VWC2: variants seen among roughly 807,000 people sequenced by gnomAD.
VWC2 encodes von Willebrand factor C domain containing 2.
VWC2 carries 14 observed loss-of-function variants against 29.8 expected under a neutral mutation model. That is an observed-to-expected ratio of 0.47 (90% CI 0.31 to 0.74). The LOEUF is 0.74. Among genes scored for constraint, VWC2 ranks in the 30% least tolerant of loss-of-function variants. VWC2 has a pLI of 0.05. For synonymous variants in VWC2, 213 were observed against 199.0 expected, an observed-to-expected ratio of 1.07 and a Z score of -0.59; for missense variants, 457 against 459.8, an observed-to-expected ratio of 0.99 and a Z score of 0.05.
intron 3 of VWC2, among the ~76,000 whole-genome samples, chr7:49,878,484 C>T (rs1791536231): frequency 6.6e-6 from 1 of 152,080 alleles, no homozygotes; most frequent in Non-Finnish European, 1.5e-5. Flanking sequence ...TGCTCAATAC[C>T]TACCTCTGCT....
At chr7:49,885,285 A>T (rs1791849120) in intron 3 of VWC2, among the ~76,000 whole-genome samples, 1 of 152,168 alleles carries the variant, frequency 6.6e-6, no homozygotes, top group Admixed American at 6.5e-5. Context: ...ACATAAAATG[A>T]GAGGTAATTT....
intron 3 of VWC2, among the ~76,000 whole-genome samples, chr7:49,881,257 T>C (rs1344968605): frequency 1.3e-5 from 2 of 152,272 alleles, no homozygotes; most frequent in East Asian, 3.9e-4. Flanking sequence ...CCAGTTCTTT[T>C]GTTCCATTTG....
chr7:49,797,966 A>G (rs1024276437), intron 2 of VWC2, among the ~76,000 whole-genome samples: 2 of 152,260 alleles, frequency 1.3e-5, no homozygotes, highest in Non-Finnish European at 2.9e-5. Context: ...AATAAGAAGT[A>G]CTAATGCTTT....
At chr7:49,818,897 A>T (rs570738103) in intron 3 of VWC2, among the ~76,000 whole-genome samples, 8 of 150,106 alleles carry the variant, frequency 5.3e-5, no homozygotes, top group Non-Finnish European at 1.0e-4. Flanking sequence ...AAATTCATAT[A>T]TATATGAATT....
intron 2 of VWC2, among the ~76,000 whole-genome samples, chr7:49,794,723 G>A (rs946569010): frequency 2.0e-5 from 3 of 152,158 alleles, no homozygotes; most frequent in African/African-American, 7.2e-5. Flanking sequence ...TACCTGCCCA[G>A]TCTGATCCAT....
chr7:49,853,516 T>C (rs971592524), intron 3 of VWC2, among the ~76,000 whole-genome samples: 1 of 151,954 alleles, frequency 6.6e-6, no homozygotes, highest in Non-Finnish European at 1.5e-5. Context: ...TGGAATAAGA[T>C]AGGTCCTAAG....
At chr7:49,787,138 C>T (rs1788317087) in intron 2 of VWC2, among the ~76,000 whole-genome samples, 1 of 152,136 alleles carries the variant, frequency 6.6e-6, no homozygotes, top group Non-Finnish European at 1.5e-5. Flanking sequence ...GGCAATTTTT[C>T]CTACCCTTCC....
chr7:49,861,824 T>C lies in VWC2; in HGVS notation c.827-50210T>C, dbSNP rs560635572. Reference sequence around the variant, plus strand: ...GGATGCAGAAGTCTGGGTTTACTTTTGGACTCTGAATTTTATTCTATTGTT... The same window carrying C: ...GGATGCAGAAGTCTGGGTTTACTTTCGGACTCTGAATTTTATTCTATTGTT... On this transcript the variant is annotated intron_variant, in intron 3 of 3. Transcript: ENST00000340652. 5.3e-5 allele frequency among the ~76,000 whole-genome samples: 8 copies of C among 152,350 alleles called. No homozygotes were observed. In the South Asian group the frequency reaches 1.7e-3, roughly 32 times the overall value.
chr7:49,876,603 C>T (rs192961348), intron 3 of VWC2, among the ~76,000 whole-genome samples: 15 of 152,222 alleles, frequency 9.9e-5, no homozygotes, highest in East Asian at 5.8e-4. Flanking sequence ...TGAGCATTAA[C>T]GAAGAGCAGC....
At chr7:49,859,153 A>G (rs1047545967) in intron 3 of VWC2, among the ~76,000 whole-genome samples, 2 of 152,222 alleles carry the variant, frequency 1.3e-5, no homozygotes, top group African/African-American at 4.8e-5. Context: ...CTTCAACGTT[A>G]CTCAGCAATA....
chr7:49,788,849 CAT>C (rs1181532080), intron 2 of VWC2, among the ~76,000 whole-genome samples: 2 of 111,616 alleles, frequency 1.8e-5, no homozygotes, highest in Admixed American at 8.9e-5. Flanking sequence ...TGTGTGTGAG[CAT>C]GTGTGTGAGC....
chr7:49,837,283 A>G (rs1185941976), intron 3 of VWC2, among the ~76,000 whole-genome samples: 1 of 152,260 alleles, frequency 6.6e-6, no homozygotes, highest in African/African-American at 2.4e-5. Flanking sequence ...CTTGAGGAAT[A>G]GAACTTAATT....
chr7:49,876,410 T>C lies in VWC2; in HGVS notation c.827-35624T>C, dbSNP rs113308315. Among the ~76,000 whole-genome samples the C allele has an allele frequency of 8.7e-3, 1,320 of 152,218 alleles. 5 individuals are homozygous for C. Among genetic ancestry groups the C allele is most frequent in the Non-Finnish European group, 0.011 (774 of 67,996 alleles). Reference sequence around the variant, plus strand: ...CTATGAGCCTTCGTTTCCACATCTATAGTGTGGGAAAACAGCACCTGTCTC... The same window carrying C: ...CTATGAGCCTTCGTTTCCACATCTACAGTGTGGGAAAACAGCACCTGTCTC... On this transcript the variant is annotated intron_variant, in intron 3 of 3. Coordinates refer to ENST00000340652, the MANE Select transcript of VWC2 (RefSeq NM_198570.5).
At chr7:49,799,505 A>G (rs1212643489) in intron 2 of VWC2, among the ~76,000 whole-genome samples, 1 of 152,218 alleles carries the variant, frequency 6.6e-6, no homozygotes, top group Non-Finnish European at 1.5e-5. Context: ...TTCCTCTGGG[A>G]ATTGAGGCAG....
chr7:49,893,823 C>T lies in VWC2; in HGVS notation c.827-18211C>T, dbSNP rs148636458. On this transcript the variant is annotated intron_variant, in intron 3 of 3. Coordinates refer to ENST00000340652, the MANE Select transcript of VWC2 (RefSeq NM_198570.5). ...TTACAATAAGTTACAGAAAAAGCAG[C>T]TGTTTCAAAAGAGGTTTGGGATGTA... 2.6e-3 allele frequency among the ~76,000 whole-genome samples: 393 copies of T among 152,222 alleles called. 3 individuals carry two copies. Among genetic ancestry groups the T allele is most frequent in the African/African-American group, 9.1e-3 (378 of 41,512 alleles).
In VWC2 at chr7:49,774,130, C is replaced by G. The variant is rs1481974781; in HGVS notation, c.-104+17C>G. The G allele has an allele frequency of 6.6e-6, 1 of 152,240 alleles. No homozygotes were observed. The highest frequency in any genetic ancestry group is 2.4e-5 in the African/African-American group (1 of 41,454). 9.4% of individuals were successfully genotyped at this position (152,240 alleles called of 1,614,324 possible). On this transcript the variant is annotated intron_variant, in intron 1 of 3. Transcript: ENST00000340652. ...TGCGCTCATGTATGTAGGTTTGGCG[C>G]CGGTCTTCAGGGCTGAGGGTGCATG...
chr7:49,891,598 G>A (rs1218503086), intron 3 of VWC2, among the ~76,000 whole-genome samples: 3 of 152,100 alleles, frequency 2.0e-5, no homozygotes, highest in African/African-American at 4.8e-5. Flanking sequence ...CGCCAGGGTC[G>A]ATAAAATATA....
At chr7:49,778,770 C>G (rs1023363371) in intron 2 of VWC2, among the ~76,000 whole-genome samples, 2 of 152,192 alleles carry the variant, frequency 1.3e-5, no homozygotes, top group Non-Finnish European at 2.9e-5. Context: ...CATGCCTGCT[C>G]TGGGTATTCT....
intron 2 of VWC2, among the ~76,000 whole-genome samples, chr7:49,780,903 T>C (rs889729415): frequency 6.6e-6 from 1 of 152,210 alleles, no homozygotes; most frequent in Non-Finnish European, 1.5e-5. Flanking sequence ...TTCTAGGTTT[T>C]TATCAATTAA....
Sources: gnomAD v4.1 joint callset for allele counts (sites outside exome capture counted in the v4.1 genomes callset) on GRCh38, gnomAD v4.1.1 for gene constraint, MANE v1.5 for transcripts, NCBI Gene and HGNC (gene_info 2026-07-23, HGNC 2026-07-21) for gene names.